The following LNPEP variants were observed in gnomAD, a reference collection of about 807,000 sequenced individuals.
The protein encoded by LNPEP is leucyl-cystinyl aminopeptidase.
LNPEP carries 64 observed loss-of-function variants against 120.6 expected under a neutral mutation model. The ratio of observed to expected loss-of-function variants is 0.53; its 90% CI spans 0.43 to 0.65. The LOEUF is 0.65. Among genes scored for constraint, LNPEP ranks in the 30% least tolerant of loss-of-function variants. The pLI is 0.00. For missense variants in LNPEP, 1,057 were observed against 1,200.0 expected (o/e 0.88, Z 1.76); for synonymous variants, 435 against 425.4 (o/e 1.02, Z -0.28).
chr5:96,951,036 G>A (rs1028283041), intron 1 of LNPEP, among the ~76,000 whole-genome samples: 1 of 152,152 alleles, frequency 6.6e-6, no homozygotes, highest in Non-Finnish European at 1.5e-5. Flanking sequence ...TCTGGTGAGG[G>A]CTCTCTTTCT....
In LNPEP at chr5:97,029,540, G is replaced by C. The variant is rs545160357; in HGVS notation, c.*1007G>C. On this transcript the variant is annotated 3_prime_UTR_variant, in exon 18 of 18. Coordinates refer to ENST00000231368, the MANE Select transcript of LNPEP (RefSeq NM_005575.3). ...GTGTGAATTTTCATTTTATATGATA[G>C]TGTAGCATATTAGAAGCATATTTTA... The C allele has an allele frequency of 2.6e-4, 40 of 152,386 alleles. No individual in the cohort carries two copies. Among genetic ancestry groups the C allele is most frequent in the African/African-American group, 8.7e-4 (36 of 41,546 alleles). The allele number at this position is 152,386 out of a possible 1,614,324, so 9.4% of individuals were successfully genotyped here. A position where few individuals can be genotyped will look rare whatever the true frequency, so the allele number is the denominator to read the frequency against.
rs774991753 is a variant in LNPEP at position 97,014,948 on chromosome 5, G to A, written c.2229G>A (p.Lys743=). ...NNIFELAGLG[K]VPLKRAFDLI... ...TTCTTTTATCCTTTAGCCTAGGCAA[G>A]GTACCTCTCAAGAGGGCCTTTGATT... Residue 743 remains lysine (K), a synonymous_variant, in exon 13 of 18, where the codon AAG becomes AAA. Coordinates refer to ENST00000231368, the MANE Select transcript of LNPEP (RefSeq NM_005575.3). The A allele has an allele frequency of 1.3e-6, 2 of 1,561,074 alleles. No homozygotes were observed. The highest frequency in any genetic ancestry group is 2.5e-5 in the South Asian group (2 of 79,110).
At chr5:96,973,128 T>C (rs760774970) in intron 1 of LNPEP, among the ~76,000 whole-genome samples, 2 of 152,174 alleles carry the variant, frequency 1.3e-5, no homozygotes, top group Admixed American at 6.6e-5. Flanking sequence ...TTGTTTGCTG[T>C]TAATGACTGC....
chr5:97,017,803 A>G (rs184270353), intron 13 of LNPEP, among the ~76,000 whole-genome samples: 7 of 152,310 alleles, frequency 4.6e-5, no homozygotes, highest in African/African-American at 1.7e-4. Flanking sequence ...ATTCTCTCAT[A>G]GTTCTGGAAG....
chr5:97,006,587 A>T, intron 11 of LNPEP, 72 bp downstream of exon 11: 1 of 824,734 alleles, frequency 1.2e-6, no homozygotes, highest in East Asian at 2.5e-5. Context: ...CATATATAAG[A>T]TTACACTTTC....
intron 2 of LNPEP, among the ~76,000 whole-genome samples, chr5:96,982,894 G>T (rs531657188): frequency 1.3e-5 from 2 of 152,266 alleles, no homozygotes; most frequent in South Asian, 4.1e-4. Context: ...AGGACCATAT[G>T]ATATACAAGT....
intron 2 of LNPEP, among the ~76,000 whole-genome samples, chr5:96,984,364 C>A (rs1228473980): frequency 2.6e-5 from 4 of 152,158 alleles, no homozygotes; most frequent in Non-Finnish European, 4.4e-5. Context: ...TGAAGACCTT[C>A]CTCTTGAGCC....
chr5:96,944,802 C>A (rs1789148152), intron 1 of LNPEP, among the ~76,000 whole-genome samples: 1 of 151,814 alleles, frequency 6.6e-6, no homozygotes, highest in Admixed American at 6.6e-5. Flanking sequence ...GAACTCCTGG[C>A]CTCAAGTCAT....
intron 1 of LNPEP, among the ~76,000 whole-genome samples, chr5:96,944,560 CTTTTTTTTTTTT>C (rs60017687): frequency 4.1e-4 from 23 of 56,356 alleles, no homozygotes; most frequent in African/African-American, 1.6e-3. Flanking sequence ...CTTATTTTTG[CTTTTTTTTTTTT>C]TTTTTTTTTT....
At chr5:96,994,968 C>T (rs996071232) in intron 6 of LNPEP, among the ~76,000 whole-genome samples, 1 of 152,050 alleles carries the variant, frequency 6.6e-6, no homozygotes, top group African/African-American at 2.4e-5. Flanking sequence ...ATTAGCTGGG[C>T]GTGGTGGTGC....
At position 96,993,028 on chromosome 5, in the gene LNPEP, C is replaced by T; in HGVS notation, c.1145C>T (p.Ala382Val). The change falls in exon 5 of 18, where the codon GCT becomes GTT. Residue 382 changes from alanine to valine, a missense_variant. Coordinates refer to ENST00000231368, the MANE Select transcript of LNPEP (RefSeq NM_005575.3). ...DVNGTLVSIY[A>V]VPEKIGQVHY... Reference sequence around the variant, plus strand: ...GTTTTCCTTTAGGTTTCTATATATGCTGTACCAGAAAAGATTGGTCAAGTT... The same window carrying T: ...GTTTTCCTTTAGGTTTCTATATATGTTGTACCAGAAAAGATTGGTCAAGTT... The T allele has an allele frequency of 6.3e-7, 1 of 1,591,640 alleles. No individual in the cohort carries two copies.
rs546173683 is a variant in LNPEP, at chr5:96,957,978, C to T, written c.20-21160C>T. Among the ~76,000 whole-genome samples, 8 of 152,322 alleles carry T rather than the reference C, an allele frequency of 5.3e-5. No homozygotes were observed. In the East Asian group the frequency reaches 1.3e-3, roughly 26 times the overall value. ...TCTGATTCTCTCCCCTCTGGGATTT[C>T]CCCCATGCTGTATAGCCTACAGGGT... On this transcript the variant is annotated intron_variant, in intron 1 of 17. Transcript: ENST00000231368.
In LNPEP at chr5:96,985,073, G is replaced by A. The variant is rs1172414486; in HGVS notation, c.861-7G>A. The A allele has an allele frequency of 6.2e-7, 1 of 1,613,680 alleles. No individual in the cohort carries two copies. ...TAACTACTGGATTGAATTTGTGTTTGTTTTAGGTACTTTGCAGCAACTCAG... is the reference window on the plus strand; with the variant it reads ...TAACTACTGGATTGAATTTGTGTTTATTTTAGGTACTTTGCAGCAACTCAG... On this transcript the variant is annotated splice_polypyrimidine_tract_variant and splice_region_variant and intron_variant, in intron 2 of 17. Coordinates refer to ENST00000231368, the MANE Select transcript of LNPEP (RefSeq NM_005575.3).
chr5:96,959,062 G>A (rs992680853), intron 1 of LNPEP, among the ~76,000 whole-genome samples: 1 of 152,096 alleles, frequency 6.6e-6, no homozygotes, highest in African/African-American at 2.4e-5. Context: ...TTGACTTCAT[G>A]ATCCGCTTGC....
chr5:97,014,859 C>A (rs1791024082), intron 12 of LNPEP, 80 bp from the exon 13 acceptor site: 4 of 1,061,376 alleles, frequency 3.8e-6, no homozygotes, highest in South Asian at 3.4e-5. Flanking sequence ...ACCATCTAAC[C>A]CTAAGTTTCT....
At chr5:96,940,879 C>T (rs575044287) in intron 1 of LNPEP, among the ~76,000 whole-genome samples, 1 of 152,206 alleles carries the variant, frequency 6.6e-6, no homozygotes, top group African/African-American at 2.4e-5. Flanking sequence ...TTTTCGGGAC[C>T]AGGGACCACA....
Position 96,979,664 on chromosome 5 carries a change from C to T in LNPEP, c.546C>T (p.His182=), listed in dbSNP as rs1243442314. 1.2e-6 allele frequency: 2 copies of T among 1,614,116 alleles called. No homozygotes were observed. Among genetic ancestry groups the T allele is most frequent in the Admixed American group, 3.3e-5 (2 of 60,000 alleles). Residue 182 remains histidine, a synonymous_variant, in exon 2 of 18, where the codon CAC becomes CAT. Transcript: ENST00000231368. ...CACTACGCTATGAACTCAGCCTACA[C>T]CCGAACCTAACCTCGATGACATTCA... ...VVPLRYELSL[H]PNLTSMTFRG... is the part of the protein sequence containing the mutation.
chr5:96,960,371 C>T (rs766868167), intron 1 of LNPEP, among the ~76,000 whole-genome samples: 4 of 152,100 alleles, frequency 2.6e-5, no homozygotes, highest in Admixed American at 6.5e-5. Flanking sequence ...TCCACTGAAA[C>T]GTAGCTGGAG....
At chr5:96,989,404 T>A (rs376262804) in intron 4 of LNPEP, among the ~76,000 whole-genome samples, 13 of 28,044 alleles carry the variant, frequency 4.6e-4, no homozygotes, top group African/African-American at 7.8e-4. Context: ...TATTATATAT[T>A]ATATATAATA....
Sources: gnomAD v4.1 joint callset for allele counts (sites outside exome capture counted in the v4.1 genomes callset) on GRCh38, gnomAD v4.1.1 for gene constraint, MANE v1.5 for transcripts, NCBI Gene and HGNC (gene_info 2026-07-23, HGNC 2026-07-21) for gene names.